DYM: variants seen among roughly 807,000 people sequenced by gnomAD.
The protein encoded by DYM is dyggve-Melchior-Clausen syndrome protein.
A neutral mutation model predicts 93.1 loss-of-function variants in DYM; 78 were observed. That is an observed-to-expected ratio of 0.84 (90% CI 0.70 to 1.01). The LOEUF (loss-of-function observed/expected upper bound fraction) is 1.01, where lower values mean the gene tolerates loss of function less well. Among genes scored for constraint, DYM ranks in the 50% least tolerant of loss-of-function variants. DYM has a pLI of 0.00. For synonymous variants in DYM, 321 were observed against 319.7 expected (o/e 1.00, Z -0.04); for missense variants, 789 against 845.0 (o/e 0.93, Z 0.82).
chr18:49,096,470 C>T (rs913177538), intron 17 of DYM, among the ~76,000 whole-genome samples: 7 of 152,126 alleles, frequency 4.6e-5, no homozygotes, highest in Non-Finnish European at 8.8e-5. Context: ...CTGGAACAGA[C>T]GTGAACTGTG....
At chr18:49,145,121 ATATATATATATAT>A (rs2084955224) in intron 15 of DYM, among the ~76,000 whole-genome samples, 1 of 108,392 alleles carries the variant, frequency 9.2e-6, no homozygotes, top group Non-Finnish European at 1.9e-5. Context: ...ATATATATAT[ATATATATATATAT>A]AATTTATATA....
chr18:49,328,331 T>C (rs895220855), intron 8 of DYM, among the ~76,000 whole-genome samples: 3 of 152,182 alleles, frequency 2.0e-5, no homozygotes, highest in Middle Eastern at 3.4e-3. Flanking sequence ...AAGTTCTTCA[T>C]GGAGAAGGTG....
intron 8 of DYM, among the ~76,000 whole-genome samples, chr18:49,326,752 A>G (rs2062907541): frequency 6.6e-6 from 1 of 152,202 alleles, no homozygotes; most frequent in Admixed American, 6.5e-5. Flanking sequence ...GTGAAATACA[A>G]ATAACGCTAT....
intron 17 of DYM, among the ~76,000 whole-genome samples, chr18:49,053,605 A>C (rs569364214): frequency 8.5e-5 from 13 of 152,304 alleles, no homozygotes; most frequent in African/African-American, 3.1e-4. Flanking sequence ...CAGCACGTGC[A>C]GGGCTTGTGG....
At position 49,071,515 on chromosome 18, in the gene DYM, T is replaced by C. The variant is rs190495370; in HGVS notation, c.2025+25887A>G. Among the ~76,000 whole-genome samples the C allele has an allele frequency of 7.9e-5, 12 of 152,366 alleles. No homozygotes were observed. In the East Asian group the frequency reaches 2.3e-3, roughly 29 times the overall value. ...AGACGATTCATTCATTTTCCCTTTA[T>C]GGAACCAGTGTGTCTCTTTGGGGTT... On this transcript the variant is annotated intron_variant, in intron 17 of 17. Transcript: ENST00000675505.
intron 6 of DYM, among the ~76,000 whole-genome samples, chr18:49,361,126 G>C (rs1227550315): frequency 1.3e-5 from 2 of 152,174 alleles, no homozygotes; most frequent in Admixed American, 6.5e-5. Context: ...CAATACTGGA[G>C]TTCTGTTAGA....
intron 13 of DYM, among the ~76,000 whole-genome samples, chr18:49,247,386 A>C (rs1432802982): frequency 6.6e-6 from 1 of 152,242 alleles, no homozygotes; most frequent in African/African-American, 2.4e-5. Flanking sequence ...TGGGTGTCCT[A>C]CCAGAATCTA....
chr18:49,216,375 T>C (rs192166299), intron 13 of DYM, among the ~76,000 whole-genome samples: 3 of 152,336 alleles, frequency 2.0e-5, no homozygotes, highest in African/African-American at 7.2e-5. Flanking sequence ...TAAATGTCCC[T>C]GTTTGACAGC....
intron 13 of DYM, among the ~76,000 whole-genome samples, chr18:49,254,650 G>T (rs1407448458): frequency 1.3e-5 from 2 of 152,102 alleles, no homozygotes; most frequent in Non-Finnish European, 2.9e-5. Flanking sequence ...AAAATTGTTT[G>T]CATCTCAAAA....
intron 1 of DYM, among the ~76,000 whole-genome samples, chr18:49,441,191 A>ATATTATATAATATTAT (rs1401585367): frequency 3.0e-5 from 1 of 33,630 alleles, no homozygotes; most frequent in African/African-American, 1.1e-4. Context: ...ATTTATATAT[A>ATATTATATAATATTAT]ATATATTATA....
chr18:49,446,357 T>C (rs903914314), intron 1 of DYM, among the ~76,000 whole-genome samples: 2 of 152,224 alleles, frequency 1.3e-5, no homozygotes, highest in Non-Finnish European at 2.9e-5. Context: ...TGCTGATTTT[T>C]TATAACCTGC....
chr18:49,106,365 C>A (rs1167539337), intron 16 of DYM, among the ~76,000 whole-genome samples: 1 of 152,162 alleles, frequency 6.6e-6, no homozygotes, highest in Non-Finnish European at 1.5e-5. Context: ...ATCCAATTTG[C>A]CAGTCTGTGT....
chr18:49,161,644 A>T (rs188488431), intron 15 of DYM, among the ~76,000 whole-genome samples: 7 of 152,334 alleles, frequency 4.6e-5, no homozygotes, highest in African/African-American at 1.7e-4. Flanking sequence ...GCTAATTAAA[A>T]AATTAGAACA....
At chr18:49,051,136 T>C (rs1012987507) in intron 17 of DYM, among the ~76,000 whole-genome samples, 3 of 152,194 alleles carry the variant, frequency 2.0e-5, no homozygotes, top group African/African-American at 7.2e-5. Context: ...GAGTGTGCCC[T>C]TAGAATGTCT....
Position 49,437,132 on chromosome 18 carries a change from T to C in DYM, c.-53-6685A>G, listed in dbSNP as rs528094225. Among the ~76,000 whole-genome samples the C allele has an allele frequency of 4.6e-5, 7 of 152,326 alleles. No individual in the cohort carries two copies. The South Asian group carries it at 1.4e-3, about 32-fold the overall frequency. Reference sequence around the variant, plus strand: ...TACAAAATACAAAAGCTTCAAAGGATAGACAGTGAAAATCTCCTTCCCATC... The same window carrying C: ...TACAAAATACAAAAGCTTCAAAGGACAGACAGTGAAAATCTCCTTCCCATC... On this transcript the variant is annotated intron_variant, in intron 1 of 17. Transcript: ENST00000675505.
intron 2 of DYM, among the ~76,000 whole-genome samples, chr18:49,421,165 G>A (rs938287248): frequency 1.8e-4 from 27 of 152,252 alleles, no homozygotes; most frequent in African/African-American, 5.8e-4. Flanking sequence ...CTCCCAGCAC[G>A]GAGTTTGAGA....
At chr18:49,109,383 C>T (rs1166534019) in intron 16 of DYM, among the ~76,000 whole-genome samples, 1 of 152,110 alleles carries the variant, frequency 6.6e-6, no homozygotes, top group Non-Finnish European at 1.5e-5. Context: ...ACTTATATTT[C>T]TATTTTAATG....
intron 16 of DYM, among the ~76,000 whole-genome samples, chr18:49,105,604 T>C (rs931204558): frequency 6.6e-6 from 1 of 152,248 alleles, no homozygotes; most frequent in African/African-American, 2.4e-5. Context: ...TCTGGTATGT[T>C]GTGTCTTTGT....
intron 2 of DYM, 136 bp downstream of exon 2, chr18:49,430,119 G>A: frequency 5.7e-6 from 5 of 873,674 alleles, no homozygotes; most frequent in Non-Finnish European, 9.2e-6. Context: ...AAATCTTTTG[G>A]ATTTTCTACT....
Sources: gnomAD v4.1 joint callset for allele counts (sites outside exome capture counted in the v4.1 genomes callset) on GRCh38, gnomAD v4.1.1 for gene constraint, MANE v1.5 for transcripts, NCBI Gene and HGNC (gene_info 2026-07-23, HGNC 2026-07-21) for gene names.